ST3GAL4: variants seen among roughly 807,000 people sequenced by gnomAD.
The protein encoded by ST3GAL4 is CMP-N-acetylneuraminate-beta-galactosamide-alpha-2,3-sialyltransferase 4.
Under a neutral mutation model 42.6 loss-of-function variants are expected in ST3GAL4, and 24 were observed. The ratio of observed to expected loss-of-function variants is 0.56; its 90% CI spans 0.41 to 0.79. The LOEUF (loss-of-function observed/expected upper bound fraction) is 0.79, where lower values mean the gene tolerates loss of function less well. ST3GAL4 is among the 30% of genes least tolerant of loss of function. The pLI is 0.00. For missense variants in ST3GAL4, 311 were observed against 430.8 expected (o/e 0.72, Z 2.46); for synonymous variants, 135 against 163.2 (o/e 0.83, Z 1.32).
At chr11:126,362,263 T>C (rs927513396) in intron 1 of ST3GAL4, among the ~76,000 whole-genome samples, 1 of 145,028 alleles carries the variant, frequency 6.9e-6, no homozygotes, top group African/African-American at 2.5e-5. Flanking sequence ...AGTGGCACAA[T>C]CTCAGCTCAC....
At chr11:126,367,855 T>G (rs553156534) in intron 1 of ST3GAL4, among the ~76,000 whole-genome samples, 1 of 152,178 alleles carries the variant, frequency 6.6e-6, no homozygotes, top group South Asian at 2.1e-4. Context: ...TCAATAAGAT[T>G]ATGCATAGCA....
rs542933860 is a variant in ST3GAL4 at position 126,366,186 on chromosome 11, C to G, written c.-61+10344C>G. Among the ~76,000 whole-genome samples the G allele has an allele frequency of 1.2e-3, 190 of 152,274 alleles. No homozygotes were observed. Among genetic ancestry groups the G allele is most frequent in the African/African-American group, 4.1e-3 (171 of 41,558 alleles). ...TGCAAGCTGACAAACAAAGTCTATA[C>G]GAGCCAGAGCTGGGGTGGGAGGAAC... On this transcript the variant is annotated intron_variant, in intron 1 of 10. Transcript: ENST00000444328. This position sits in a 1 kb window ranked among gnomAD's most constrained non-coding sequence, Gnocchi z 4.2.
At position 126,409,142 on chromosome 11, in the gene ST3GAL4, A is replaced by G; in HGVS notation, c.628-126A>G. 1 of 1,200,734 alleles carries G rather than the reference A, an allele frequency of 8.3e-7. No homozygotes were observed. Among genetic ancestry groups the G allele is most frequent in the Non-Finnish European group, 1.2e-6 (1 of 840,754 alleles). The allele number at this position is 1,200,734 out of a possible 1,614,324, so 74.4% of individuals were successfully genotyped here. A position where few individuals can be genotyped will look rare whatever the true frequency, so the allele number is the denominator to read the frequency against. On this transcript the variant is annotated intron_variant, in intron 8 of 10. Coordinates refer to ENST00000444328, the MANE Select transcript of ST3GAL4 (RefSeq NM_001254757.2). This position sits in a 1 kb window ranked among gnomAD's most constrained non-coding sequence, Gnocchi z 4.9. ...ACAGACTTCACCTCCCTTTCCTCTC[A>G]CCTTGTGCTCCTGAAGGCCTCTGCC...
At chr11:126,402,331 C>T (rs1447042708) in intron 1 of ST3GAL4, among the ~76,000 whole-genome samples, 1 of 151,836 alleles carries the variant, frequency 6.6e-6, no homozygotes, top group Non-Finnish European at 1.5e-5. Context: ...TGACACATGC[C>T]TGTAGTCCCA....
intron 1 of ST3GAL4, among the ~76,000 whole-genome samples, chr11:126,402,013 G>T (rs1954018197): frequency 6.7e-6 from 1 of 149,846 alleles, no homozygotes; most frequent in African/African-American, 2.5e-5. Context: ...GAGACACAGG[G>T]AAAAGAGGAG....
In ST3GAL4 at chr11:126,414,302, C is replaced by G. The variant is rs1395562614; in HGVS notation, c.*255C>G. ...CAGGGGGCTCGTTGCTGTGGCACCCCCTCTCTGCCAGCACCAAGAGATTAT... is the reference window on the plus strand; with the variant it reads ...CAGGGGGCTCGTTGCTGTGGCACCCGCTCTCTGCCAGCACCAAGAGATTAT... On this transcript the variant is annotated 3_prime_UTR_variant, in exon 11 of 11. Coordinates refer to ENST00000444328, the MANE Select transcript of ST3GAL4 (RefSeq NM_001254757.2). 18 of 549,744 alleles carry G rather than the reference C, an allele frequency of 3.3e-5. No individual in the cohort carries two copies. The highest frequency in any genetic ancestry group is 6.2e-5 in the Admixed American group (2 of 32,302). The allele number at this position is 549,744 out of a possible 1,614,324, so 34.1% of individuals were successfully genotyped here. A position where few individuals can be genotyped will look rare whatever the true frequency, so the allele number is the denominator to read the frequency against.
chr11:126,367,011 C>T (rs181597386), intron 1 of ST3GAL4, among the ~76,000 whole-genome samples: 168 of 152,150 alleles, frequency 1.1e-3, no homozygotes, highest in African/African-American at 3.9e-3. Context: ...AGAGGGAGCA[C>T]TGTTCTGGAA....
In ST3GAL4 at chr11:126,372,856, C is replaced by T. The variant is rs528369392; in HGVS notation, c.-61+17014C>T. On this transcript the variant is annotated intron_variant, in intron 1 of 10. Transcript: ENST00000444328. Reference sequence around the variant, plus strand: ...ATTGATGGATACTTGGGTTGCTTCCCGATTAGCTATTGTGAATAATGCTGC... The same window carrying T: ...ATTGATGGATACTTGGGTTGCTTCCTGATTAGCTATTGTGAATAATGCTGC... Among the ~76,000 whole-genome samples the T allele has an allele frequency of 5.3e-5, 8 of 152,264 alleles. No individual in the cohort carries two copies. The East Asian group carries it at 1.3e-3, about 26-fold the overall frequency.
At position 126,391,794 on chromosome 11, in the gene ST3GAL4, T is replaced by C. The variant is rs1953523580; in HGVS notation, c.-60-14302T>C. Among the ~76,000 whole-genome samples, 1 of 152,108 alleles carries C rather than the reference T, an allele frequency of 6.6e-6. No individual in the cohort carries two copies. Among genetic ancestry groups the C allele is most frequent in the Non-Finnish European group, 1.5e-5 (1 of 68,016 alleles). Reference sequence around the variant, plus strand: ...GCGCTTGAATTGAGAGGGGCTGCCATGTGTCTGGGGAGGGCAGAACCCAGC... The same window carrying C: ...GCGCTTGAATTGAGAGGGGCTGCCACGTGTCTGGGGAGGGCAGAACCCAGC... On this transcript the variant is annotated intron_variant, in intron 1 of 10. Transcript: ENST00000444328. This position sits in a 1 kb window ranked among gnomAD's most constrained non-coding sequence, Gnocchi z 5.5.
chr11:126,383,047 T>G lies in ST3GAL4; in HGVS notation c.-60-23049T>G, dbSNP rs1375836048. The stretch of plus-strand genomic sequence containing the variant: ...GGCCCAGAGGACAGTGAGTGTGTGT[T>G]GTGTGGGTGCCAGGCCAGGGAGTGC... On this transcript the variant is annotated intron_variant, in intron 1 of 10. Transcript: ENST00000444328. The surrounding 1 kb of genome is among the most constrained non-coding windows in gnomAD (Gnocchi z 4.5). 6.6e-6 allele frequency among the ~76,000 whole-genome samples: 1 copy of G among 152,152 alleles called. No individual in the cohort carries two copies. Among genetic ancestry groups the G allele is most frequent in the Non-Finnish European group, 1.5e-5 (1 of 68,020 alleles).
chr11:126,407,989 G>C, intron 6 of ST3GAL4, 110 bp from the exon 7 acceptor site: 1 of 1,239,082 alleles, frequency 8.1e-7, no homozygotes. Context: ...ATGGGGACCA[G>C]GGGCTGAGGG....
Position 126,383,500 on chromosome 11 carries a change from G to T in ST3GAL4, c.-60-22596G>T, listed in dbSNP as rs927174392. On this transcript the variant is annotated intron_variant, in intron 1 of 10. Coordinates refer to ENST00000444328, the MANE Select transcript of ST3GAL4 (RefSeq NM_001254757.2). This position sits in a 1 kb window ranked among gnomAD's most constrained non-coding sequence, Gnocchi z 4.5. Reference sequence around the variant, plus strand: ...TGGGGGAAAAGAGTGCCCTGGCTTGGGGGGGCCCTCAAGCCCCGGAAGCTG... The same window carrying T: ...TGGGGGAAAAGAGTGCCCTGGCTTGTGGGGGCCCTCAAGCCCCGGAAGCTG... 4.6e-5 allele frequency among the ~76,000 whole-genome samples: 7 copies of T among 152,120 alleles called. No homozygotes were observed. The highest frequency in any genetic ancestry group is 2.0e-4 in the Admixed American group (3 of 15,278).
In ST3GAL4 at chr11:126,379,282, G is replaced by A. The variant is rs1952918809; in HGVS notation, c.-61+23440G>A. ...CAGTAGATCTTAGAGGATATTCAGT[G>A]TGGATAATGAAATTCCCTAACGAAA... is the stretch of plus-strand genomic sequence containing the variant. On this transcript the variant is annotated intron_variant, in intron 1 of 10. Coordinates refer to ENST00000444328, the MANE Select transcript of ST3GAL4 (RefSeq NM_001254757.2). The surrounding 1 kb of genome is among the most constrained non-coding windows in gnomAD (Gnocchi z 4.2). 6.6e-6 allele frequency among the ~76,000 whole-genome samples: 1 copy of A among 152,178 alleles called. No individual in the cohort carries two copies. The highest frequency in any genetic ancestry group is 1.5e-5 in the Non-Finnish European group (1 of 68,032).
chr11:126,361,533 C>T (rs117260388), intron 1 of ST3GAL4, among the ~76,000 whole-genome samples: 64 of 152,212 alleles, frequency 4.2e-4, no homozygotes, highest in Non-Finnish European at 6.9e-4. Context: ...CTGCAAATGT[C>T]CTTCAGTATC....
intron 1 of ST3GAL4, among the ~76,000 whole-genome samples, chr11:126,377,143 C>T (rs982157164): frequency 2.9e-4 from 44 of 152,152 alleles, no homozygotes; most frequent in African/African-American, 9.6e-4. Context: ...TTTAAGTTTT[C>T]GGTAATACCT....
rs535306966 is a variant in ST3GAL4 at position 126,397,717 on chromosome 11, G to A, written c.-60-8379G>A. On this transcript the variant is annotated intron_variant, in intron 1 of 10. Coordinates refer to ENST00000444328, the MANE Select transcript of ST3GAL4 (RefSeq NM_001254757.2). The surrounding 1 kb of genome is among the most constrained non-coding windows in gnomAD (Gnocchi z 5.0). ...AGGCTCGGATGTCCAAGATCTAGAG[G>A]ACACATCCGGTGAGGGTCTTCTTGC... 1.5e-4 allele frequency among the ~76,000 whole-genome samples: 23 copies of A among 152,304 alleles called. No homozygotes were observed. Among genetic ancestry groups the A allele is most frequent in the Non-Finnish European group, 3.2e-4 (22 of 68,028 alleles).
Position 126,406,256 on chromosome 11 carries a change from G to A in ST3GAL4, c.16+85G>A. ...CAGGATCCTGGGACCTCTGGGGGCTGTGGAGGGACAGACAGGGAGCCAGGG... is the reference window on the plus strand; with the variant it reads ...CAGGATCCTGGGACCTCTGGGGGCTATGGAGGGACAGACAGGGAGCCAGGG... On this transcript the variant is annotated intron_variant, in intron 2 of 10. Transcript: ENST00000444328. The surrounding 1 kb of genome is among the most constrained non-coding windows in gnomAD (Gnocchi z 5.4). 1 of 1,549,910 alleles carries A rather than the reference G, an allele frequency of 6.5e-7. No homozygotes were observed.
At chr11:126,387,774 G>C (rs1444080282) in intron 1 of ST3GAL4, among the ~76,000 whole-genome samples, 1 of 151,716 alleles carries the variant, frequency 6.6e-6, no homozygotes, top group Non-Finnish European at 1.5e-5. Flanking sequence ...TTTCTCTTGA[G>C]AGGCCATAGC....
chr11:126,385,183 G>A (rs1476929854), intron 1 of ST3GAL4, among the ~76,000 whole-genome samples: 1 of 151,426 alleles, frequency 6.6e-6, no homozygotes, highest in Admixed American at 6.6e-5. Flanking sequence ...TTGAGATGGA[G>A]TCTTGCTCTG....
Sources: allele counts gnomAD v4.1 joint callset (sites outside exome capture counted in the v4.1 genomes callset), GRCh38; gene constraint gnomAD v4.1.1; non-coding constraint Gnocchi (gnomAD v3.1); transcripts MANE v1.5; gene names NCBI Gene and HGNC (gene_info 2026-07-23, HGNC 2026-07-21).